The following TSGA10 variants were observed in gnomAD, a reference collection of about 807,000 sequenced individuals.
TSGA10 encodes testis-specific gene 10 protein.
A neutral mutation model predicts 96.6 loss-of-function variants in TSGA10; 43 were observed. That is an observed-to-expected ratio of 0.44 (90% confidence interval 0.35 to 0.57). The LOEUF (loss-of-function observed/expected upper bound fraction) is 0.57. TSGA10 is among the 20% of genes least tolerant of loss of function. The pLI, the probability that TSGA10 is intolerant of heterozygous loss-of-function variation, is 0.01. For synonymous variants in TSGA10, 229 were observed against 269.9 expected (o/e 0.85, Z 1.48); for missense variants, 703 against 834.4 (o/e 0.84, Z 1.94).
chr2:99,074,000 C>CTTTTTGTTTTTTT (rs2086308772), intron 12 of TSGA10, among the ~76,000 whole-genome samples: 1 of 52,608 alleles, frequency 1.9e-5, no homozygotes, highest in Non-Finnish European at 3.7e-5. Flanking sequence ...TGTTTCTTTT[C>CTTTTTGTTTTTTT]TTTTTTTTTT....
intron 17 of TSGA10, among the ~76,000 whole-genome samples, chr2:99,032,165 AT>A (rs1279676317): frequency 6.6e-6 from 1 of 151,998 alleles, no homozygotes; most frequent in African/African-American, 2.4e-5. Context: ...TGGCCTGCCC[AT>A]TTTTTTATTT....
At chr2:99,065,153 A>G in intron 15 of TSGA10, 29 bp from the exon 16 acceptor site, 1 of 1,601,464 alleles carries the variant, frequency 6.2e-7, no homozygotes, top group Non-Finnish European at 8.5e-7. Context: ...CTATTACTTT[A>G]AAATGCTGAA....
At chr2:99,000,655 T>C (rs1264493765) in intron 20 of TSGA10, among the ~76,000 whole-genome samples, 1 of 152,124 alleles carries the variant, frequency 6.6e-6, no homozygotes, top group Non-Finnish European at 1.5e-5. Context: ...TGGGACTTGT[T>C]GGACAGTGGG....
chr2:99,052,067 T>C (rs566925613), intron 16 of TSGA10, among the ~76,000 whole-genome samples: 1 of 150,374 alleles, frequency 6.7e-6, no homozygotes, highest in South Asian at 2.1e-4. Flanking sequence ...CTTAAGACAC[T>C]AAAAAAGAAA....
intron 1 of TSGA10, among the ~76,000 whole-genome samples, chr2:99,128,360 G>A (rs2092927911): frequency 6.6e-6 from 1 of 152,152 alleles, no homozygotes; most frequent in Admixed American, 6.6e-5. Flanking sequence ...CCCAGGGGCT[G>A]GACTGAACTC....
At chr2:99,130,018 T>G (rs2093003826) in intron 1 of TSGA10, among the ~76,000 whole-genome samples, 1 of 152,230 alleles carries the variant, frequency 6.6e-6, no homozygotes, top group African/African-American at 2.4e-5. Context: ...TGCCACATTT[T>G]CTTTATCTAG....
intron 17 of TSGA10, among the ~76,000 whole-genome samples, chr2:99,021,145 C>T (rs980214124): frequency 5.3e-5 from 8 of 151,688 alleles, no homozygotes; most frequent in African/African-American, 1.9e-4. Context: ...TTGTAATATA[C>T]ATAACAAATT....
At chr2:99,055,389 G>C (rs1261808529) in intron 16 of TSGA10, among the ~76,000 whole-genome samples, 1 of 151,788 alleles carries the variant, frequency 6.6e-6, no homozygotes, top group Non-Finnish European at 1.5e-5. Flanking sequence ...CAGTTAGACA[G>C]AAAGAATAAG....
intron 10 of TSGA10, among the ~76,000 whole-genome samples, chr2:99,093,611 C>A (rs2089641549): frequency 6.6e-6 from 1 of 151,848 alleles, no homozygotes; most frequent in Non-Finnish European, 1.5e-5. Flanking sequence ...CAACAGCAAT[C>A]ATGCAGAAAA....
intron 20 of TSGA10, among the ~76,000 whole-genome samples, chr2:99,013,746 G>A (rs1053879658): frequency 6.6e-6 from 1 of 151,744 alleles, no homozygotes; most frequent in African/African-American, 2.4e-5. Context: ...CTGGCTGCGG[G>A]GGCTCATGCC....
chr2:99,153,661 T>C (rs952076298), intron 1 of TSGA10, among the ~76,000 whole-genome samples: 1 of 152,184 alleles, frequency 6.6e-6, no homozygotes, highest in African/African-American at 2.4e-5. Context: ...TGTGACTGTT[T>C]TTAATAATAA....
At chr2:99,141,281 G>A in intron 1 of TSGA10, 2 of 617,506 alleles carry the variant, frequency 3.2e-6, no homozygotes, top group Non-Finnish European at 4.5e-6. Flanking sequence ...GAGCCCGCGG[G>A]AAGGAGGAGG....
chr2:99,115,233 C>T (rs1158044218), intron 4 of TSGA10, among the ~76,000 whole-genome samples: 9 of 151,938 alleles, frequency 5.9e-5, no homozygotes, highest in African/African-American at 2.2e-4. Context: ...ATGCTTGGCC[C>T]AATTTTGATA....
At chr2:99,119,644 G>T (rs547013325) in intron 2 of TSGA10, among the ~76,000 whole-genome samples, 2 of 152,094 alleles carry the variant, frequency 1.3e-5, no homozygotes, top group Admixed American at 6.5e-5. Context: ...TTGGAAACCT[G>T]GTTTGTTCTT....
Position 99,095,094 on chromosome 2 carries a change from G to A in TSGA10, c.611+8873C>T, listed in dbSNP as rs559852453. On this transcript the variant is annotated intron_variant, in intron 10 of 20. Coordinates refer to ENST00000393483, the MANE Select transcript of TSGA10 (RefSeq NM_025244.4). The stretch of plus-strand genomic sequence containing the variant: ...AAAAAGGAATGAAATAATCACATTC[G>A]CAGCAACCTGGATGGAACTGGAGAC... Among the ~76,000 whole-genome samples, 13 of 152,210 alleles carry A rather than the reference G, an allele frequency of 8.5e-5. 1 individual carries two copies. In the South Asian group the frequency reaches 1.2e-3, roughly 15 times the overall value.
chr2:99,153,480 T>C (rs1276796255), intron 1 of TSGA10, among the ~76,000 whole-genome samples: 1 of 151,760 alleles, frequency 6.6e-6, no homozygotes, highest in Non-Finnish European at 1.5e-5. Flanking sequence ...AAGAAGTAGG[T>C]AAAGGTAAGA....
At chr2:99,119,349 T>C (rs2092452849) in intron 2 of TSGA10, among the ~76,000 whole-genome samples, 1 of 152,136 alleles carries the variant, frequency 6.6e-6, no homozygotes, top group Non-Finnish European at 1.5e-5. Context: ...TCTTCGAAAA[T>C]GCAAATTTGA....
At chr2:99,077,752 G>A (rs528480285) in intron 12 of TSGA10, among the ~76,000 whole-genome samples, 1 of 151,742 alleles carries the variant, frequency 6.6e-6, no homozygotes, top group South Asian at 2.1e-4. Context: ...TAATAGAGAC[G>A]GGGGTTTCAC....
intron 7 of TSGA10, among the ~76,000 whole-genome samples, chr2:99,106,494 C>A (rs1207376674): frequency 6.6e-6 from 1 of 152,060 alleles, no homozygotes; most frequent in Non-Finnish European, 1.5e-5. Flanking sequence ...TCTTGAAAAC[C>A]TGTCACTTGA....
Sources: allele counts gnomAD v4.1 joint callset (sites outside exome capture counted in the v4.1 genomes callset), GRCh38; gene constraint gnomAD v4.1.1; transcripts MANE v1.5; gene names NCBI Gene and HGNC (gene_info 2026-07-23, HGNC 2026-07-21).